NTRK2: variants seen among roughly 807,000 people sequenced by gnomAD.
The protein encoded by NTRK2 is neurotrophic receptor tyrosine kinase 2.
Under a neutral mutation model 94.5 loss-of-function variants are expected in NTRK2, and 13 were observed. The observed-to-expected ratio is 0.14, with a 90% CI of 0.09 to 0.22. NTRK2 has a LOEUF of 0.22. NTRK2 is among the 10% of genes least tolerant of loss of function. NTRK2 has a pLI of 1.00. For synonymous variants in NTRK2, 372 were observed against 407.4 expected (o/e 0.91, Z 1.05); for missense variants, 639 against 1,071.2 (o/e 0.60, Z 5.63).
chr9:84,778,077 A>C (rs569154088), intron 12 of NTRK2, among the ~76,000 whole-genome samples: 39 of 152,216 alleles, frequency 2.6e-4, no homozygotes, highest in African/African-American at 7.5e-4. Flanking sequence ...GCCTGGGCAA[A>C]ATGACAAAGC....
At chr9:84,911,696 C>A (rs2132491759) in intron 14 of NTRK2, among the ~76,000 whole-genome samples, 1 of 152,102 alleles carries the variant, frequency 6.6e-6, no homozygotes, top group Admixed American at 6.5e-5. Context: ...TATTTATTTT[C>A]AAAGAACCAA....
chr9:84,975,354 A>G (rs1252681602), intron 17 of NTRK2, among the ~76,000 whole-genome samples: 13 of 152,196 alleles, frequency 8.5e-5, no homozygotes. Context: ...CAGCAAATGG[A>G]ACCAAGATGG....
chr9:84,995,454 C>T (rs923799799), intron 17 of NTRK2, among the ~76,000 whole-genome samples: 3 of 152,036 alleles, frequency 2.0e-5, no homozygotes, highest in Non-Finnish European at 4.4e-5. Context: ...CTACAAAATC[C>T]CAGTTGCCCA....
Position 84,670,715 on chromosome 9 carries a change from G to T in NTRK2, c.-34G>T, listed in dbSNP as rs775644078. The T allele has an allele frequency of 6.2e-7, 1 of 1,605,010 alleles. No homozygotes were observed. The highest frequency in any genetic ancestry group is 2.2e-5 in the East Asian group (1 of 44,846). On this transcript the variant is annotated 5_prime_UTR_variant, in exon 2 of 19. Coordinates refer to ENST00000277120, the MANE Select transcript of NTRK2 (RefSeq NM_006180.6). The stretch of plus-strand genomic sequence containing the variant: ...GGGGAAAGCGGCCGGTGCAGCGCGG[G>T]GACAGGCACTCGGGCTGGCACTGGC...
intron 12 of NTRK2, among the ~76,000 whole-genome samples, chr9:84,800,589 C>T (rs980200969): frequency 5.9e-5 from 9 of 152,178 alleles, no homozygotes; most frequent in African/African-American, 2.2e-4. Flanking sequence ...AGAGGCAAAC[C>T]CCTTTTGCAA....
At position 85,004,821 on chromosome 9, in the gene NTRK2, T is replaced by C. The variant is rs557061527; in HGVS notation, c.2173-15385T>C. On this transcript the variant is annotated intron_variant, in intron 17 of 18. Transcript: ENST00000277120. ...CCGCCTTAGCAGTGATGTGATCACATAACAGGTAGAATATTGGGGAAATAA... is the reference window on the plus strand; with the variant it reads ...CCGCCTTAGCAGTGATGTGATCACACAACAGGTAGAATATTGGGGAAATAA... Among the ~76,000 whole-genome samples the C allele has an allele frequency of 6.4e-4, 97 of 152,322 alleles. 1 individual carries two copies. Among genetic ancestry groups the C allele is most frequent in the African/African-American group, 2.3e-3 (95 of 41,554 alleles).
rs567696497 is a variant in NTRK2, at chr9:84,803,658, C to G, written c.1396+51573C>G. ...CAGTTTCACCTTGTGGGCTCCAGAT[C>G]ATAGGATGTTGGCCTACCTTCCAAG... On this transcript the variant is annotated intron_variant, in intron 12 of 18. Transcript: ENST00000277120. Among the ~76,000 whole-genome samples the G allele has an allele frequency of 3.3e-5, 5 of 152,316 alleles. No individual in the cohort carries two copies. The South Asian group carries it at 1.0e-3, about 32-fold the overall frequency.
chr9:84,940,390 T>C (rs575325062), intron 15 of NTRK2, among the ~76,000 whole-genome samples: 3 of 152,284 alleles, frequency 2.0e-5, no homozygotes, highest in African/African-American at 4.8e-5. Flanking sequence ...GGGAATCTCC[T>C]TGGGACTCCC....
At chr9:84,834,577 A>T (rs749372308) in intron 12 of NTRK2, among the ~76,000 whole-genome samples, 1 of 152,116 alleles carries the variant, frequency 6.6e-6, no homozygotes, top group Non-Finnish European at 1.5e-5. Flanking sequence ...TGTTCTAGTC[A>T]CTTTCCATTT....
chr9:84,775,142 G>A (rs2066908690), intron 12 of NTRK2, among the ~76,000 whole-genome samples: 1 of 152,220 alleles, frequency 6.6e-6, no homozygotes, highest in Non-Finnish European at 1.5e-5. Context: ...GCTGAGAGAG[G>A]CCGTCTGTGC....
intron 17 of NTRK2, among the ~76,000 whole-genome samples, chr9:84,991,221 C>T (rs1829020204): frequency 1.3e-5 from 2 of 152,214 alleles, no homozygotes; most frequent in Admixed American, 1.3e-4. Flanking sequence ...CCCTCAGTGG[C>T]AAGATTCACA....
At chr9:84,802,541 A>G (rs1201350815) in intron 12 of NTRK2, among the ~76,000 whole-genome samples, 1 of 152,236 alleles carries the variant, frequency 6.6e-6, no homozygotes, top group African/African-American at 2.4e-5. Context: ...ATGACTTAGC[A>G]GCATGGGCTT....
intron 17 of NTRK2, among the ~76,000 whole-genome samples, chr9:85,019,228 AGTT>A: frequency 6.6e-6 from 1 of 152,188 alleles, no homozygotes; most frequent in African/African-American, 2.4e-5. Flanking sequence ...CAGGACCCAG[AGTT>A]GTTAGAGAGG....
intron 12 of NTRK2, among the ~76,000 whole-genome samples, chr9:84,790,193 T>C (rs1444358599): frequency 6.6e-6 from 1 of 152,090 alleles, no homozygotes; most frequent in Non-Finnish European, 1.5e-5. Flanking sequence ...AAACGTTTAG[T>C]TTAAAAAAAT....
At chr9:84,699,002 T>C (rs571336099) in intron 2 of NTRK2, among the ~76,000 whole-genome samples, 103 of 152,138 alleles carry the variant, frequency 6.8e-4, no homozygotes, top group African/African-American at 2.5e-3. Context: ...TGAGGGGGAA[T>C]TCTTAGGATC....
At chr9:84,709,562 A>G (rs2061305976) in intron 5 of NTRK2, among the ~76,000 whole-genome samples, 1 of 152,136 alleles carries the variant, frequency 6.6e-6, no homozygotes, top group Admixed American at 6.5e-5. Flanking sequence ...ACTCCTGGAA[A>G]AGTCTCCAGG....
intron 14 of NTRK2, among the ~76,000 whole-genome samples, chr9:84,917,823 CAGAG>C (rs76770810): frequency 6.6e-6 from 1 of 152,144 alleles, no homozygotes; most frequent in South Asian, 2.1e-4. Flanking sequence ...AGTCAGGCGC[CAGAG>C]AGAGAAAAAT....
chr9:84,999,941 G>A (rs981260939), intron 17 of NTRK2, among the ~76,000 whole-genome samples: 8 of 152,158 alleles, frequency 5.3e-5, no homozygotes, highest in Non-Finnish European at 5.9e-5. Flanking sequence ...AAATGATGGC[G>A]AAAGCACAGC....
chr9:84,944,286 G>A (rs1400589965), intron 15 of NTRK2, among the ~76,000 whole-genome samples: 1 of 133,316 alleles, frequency 7.5e-6, no homozygotes, highest in Non-Finnish European at 1.6e-5. Flanking sequence ...TTTTTGAGAC[G>A]GAGTCTCGCT....
Sources: gnomAD v4.1 joint callset for allele counts (sites outside exome capture counted in the v4.1 genomes callset) on GRCh38, gnomAD v4.1.1 for gene constraint, MANE v1.5 for transcripts, NCBI Gene and HGNC (gene_info 2026-07-23, HGNC 2026-07-21) for gene names.